The following PTAFR variants were observed in gnomAD, a reference collection of about 807,000 sequenced individuals.
The protein encoded by PTAFR is platelet-activating factor receptor.
A neutral mutation model predicts 14.7 loss-of-function variants in PTAFR; 8 were observed. That is an observed-to-expected ratio of 0.54 (90% CI 0.32 to 0.98). The LOEUF is 0.98. Ranked by LOEUF, PTAFR falls within the 50% of genes least tolerant of loss-of-function variation. PTAFR has a pLI of 0.04. For synonymous variants in PTAFR, 156 were observed against 176.5 expected (o/e 0.88, Z 0.92); for missense variants, 337 against 451.2 (o/e 0.75, Z 2.29).
chr1:28,156,680 A>T (rs991159951), intron 1 of PTAFR, among the ~76,000 whole-genome samples: 1 of 152,200 alleles, frequency 6.6e-6, no homozygotes, highest in South Asian at 2.1e-4. Context: ...ATCTTTAAGG[A>T]TATAAAAGGA....
chr1:28,155,970 G>A (rs1263482174), intron 1 of PTAFR, among the ~76,000 whole-genome samples: 2 of 151,970 alleles, frequency 1.3e-5, no homozygotes, highest in African/African-American at 4.8e-5. Flanking sequence ...TCATATCAAA[G>A]AATAGTATCT....
intron 1 of PTAFR, among the ~76,000 whole-genome samples, chr1:28,185,129 A>G (rs1164570996): frequency 6.6e-6 from 1 of 152,158 alleles, no homozygotes; most frequent in Non-Finnish European, 1.5e-5. Context: ...CACATATCAC[A>G]TCTAATACAA....
intron 1 of PTAFR, among the ~76,000 whole-genome samples, chr1:28,162,768 G>T (rs557849985): frequency 6.9e-6 from 1 of 143,962 alleles, no homozygotes; most frequent in East Asian, 2.1e-4. Context: ...GACAGAGGTT[G>T]CAGTGAGCCA....
intron 1 of PTAFR, among the ~76,000 whole-genome samples, chr1:28,174,547 G>A (rs1427666899): frequency 6.6e-6 from 1 of 152,144 alleles, no homozygotes; most frequent in African/African-American, 2.4e-5. Flanking sequence ...TGACCAGATG[G>A]GGAAACTGAG....
intron 1 of PTAFR, among the ~76,000 whole-genome samples, chr1:28,157,419 G>A (rs1352032658): frequency 6.6e-6 from 1 of 152,010 alleles, no homozygotes; most frequent in East Asian, 1.9e-4. Flanking sequence ...CGCCCGCCTC[G>A]GCCTCCTAAA....
intron 1 of PTAFR, among the ~76,000 whole-genome samples, chr1:28,193,345 A>G (rs1331590940): frequency 6.6e-6 from 1 of 151,820 alleles, no homozygotes; most frequent in Non-Finnish European, 1.5e-5. Flanking sequence ...GCATCATGTG[A>G]GGCAATATTG....
At chr1:28,192,796 G>A (rs1173098026) in intron 1 of PTAFR, among the ~76,000 whole-genome samples, 11 of 151,866 alleles carry the variant, frequency 7.2e-5, no homozygotes, top group East Asian at 3.9e-4. Context: ...ACAGGCACCC[G>A]CCACCATGCC....
intron 1 of PTAFR, among the ~76,000 whole-genome samples, chr1:28,168,745 C>T (rs774688674): frequency 6.6e-6 from 1 of 152,014 alleles, no homozygotes; most frequent in East Asian, 1.9e-4. Flanking sequence ...ATTGGTTCAC[C>T]ACAACCTCCG....
At chr1:28,178,323 C>G (rs1646535131), upstream of PTAFR, among the ~76,000 whole-genome samples, 1 of 151,974 alleles carries the variant, frequency 6.6e-6, no homozygotes, top group Admixed American at 6.6e-5. Context: ...TGCAGTGATG[C>G]AATCTCAGCT....
intron 1 of PTAFR, among the ~76,000 whole-genome samples, chr1:28,164,511 G>A (rs1646360876): frequency 6.6e-6 from 1 of 152,096 alleles, no homozygotes; most frequent in Admixed American, 6.5e-5. Context: ...AAGACACTGG[G>A]CACCATTTAC....
At chr1:28,178,263 A>AT (rs980956953), upstream of PTAFR, among the ~76,000 whole-genome samples, 9 of 151,724 alleles carry the variant, frequency 5.9e-5, no homozygotes, top group African/African-American at 2.2e-4. Flanking sequence ...TTATTTTTTT[A>AT]TTTTTTATTT....
At chr1:28,175,450 C>A (rs925036651) in intron 1 of PTAFR, among the ~76,000 whole-genome samples, 1 of 152,030 alleles carries the variant, frequency 6.6e-6, no homozygotes, top group Non-Finnish European at 1.5e-5. Context: ...CCCCTACCGC[C>A]TCCCCCAACA....
upstream of PTAFR, among the ~76,000 whole-genome samples, chr1:28,181,142 C>A (rs1024188761): frequency 6.6e-6 from 1 of 152,106 alleles, no homozygotes; most frequent in Non-Finnish European, 1.5e-5. Flanking sequence ...GCACCACGCC[C>A]GGTCGTGTGT....
At chr1:28,179,103 C>T (rs1646542346), upstream of PTAFR, among the ~76,000 whole-genome samples, 1 of 152,180 alleles carries the variant, frequency 6.6e-6, no homozygotes, top group Non-Finnish European at 1.5e-5. Context: ...ATGGTCTGTA[C>T]ATGAACTTAG....
At chr1:28,151,711 A>C (rs1646191040) in intron 1 of PTAFR, among the ~76,000 whole-genome samples, 1 of 152,130 alleles carries the variant, frequency 6.6e-6, no homozygotes, top group African/African-American at 2.4e-5. Flanking sequence ...AGGTTGAAGA[A>C]AGCACTTAAT....
At chr1:28,158,064 C>G (rs1338103060) in intron 1 of PTAFR, among the ~76,000 whole-genome samples, 3 of 152,182 alleles carry the variant, frequency 2.0e-5, no homozygotes, top group Non-Finnish European at 4.4e-5. Flanking sequence ...GAGCAGTGCC[C>G]TGAGGCCTCA....
Position 28,150,662 on chromosome 1 carries a change from AGTTACTGCCTGGAAGCG to A in PTAFR, c.343_359del (p.Arg115SerfsTer55). The stretch of plus-strand genomic sequence containing the variant: ...TGGCCTGAGCAGTCTTGATGGGCCG[AGTTACTGCCTGGAAGCG>A]GTTATAAGTGATGACGCCCAGGAAG... On this transcript the variant is annotated frameshift_variant, in exon 2 of 2. Transcript: ENST00000373857. LOFTEE classifies it high-confidence loss of function. This position sits in a 1 kb window ranked among gnomAD's most constrained non-coding sequence, Gnocchi z 6.3. 1 of 1,614,096 alleles carries A rather than the reference AGTTACTGCCTGGAAGCG, an allele frequency of 6.2e-7. No individual in the cohort carries two copies.
Position 28,188,261 on chromosome 1 carries a change from C to T in PTAFR, c.-39+5461G>A, listed in dbSNP as rs556400314. On this transcript the variant is annotated intron_variant, in intron 1 of 1. Coordinates refer to the PTAFR transcript ENST00000305392. ...AGGAGTTCGAGACCAGCTTGGGCAA[C>T]GTATCAAGACGCTGTCTCTACTAAA... 5.9e-5 allele frequency among the ~76,000 whole-genome samples: 9 copies of T among 152,276 alleles called. No homozygotes were observed. In the South Asian group the frequency reaches 1.0e-3, roughly 18 times the overall value.
At chr1:28,182,679 CAT>C (rs1434779628) in intron 1 of PTAFR, among the ~76,000 whole-genome samples, 4 of 152,056 alleles carry the variant, frequency 2.6e-5, no homozygotes, top group South Asian at 2.1e-4. Flanking sequence ...TACTGTTGCA[CAT>C]GTTTTCTGTT....
Sources: allele counts gnomAD v4.1 joint callset (sites outside exome capture counted in the v4.1 genomes callset), GRCh38; gene constraint gnomAD v4.1.1; non-coding constraint Gnocchi (gnomAD v3.1); transcripts MANE v1.5; gene names NCBI Gene and HGNC (gene_info 2026-07-23, HGNC 2026-07-21).